DLGAP2: variants seen among roughly 807,000 people sequenced by gnomAD.
DLGAP2 encodes the protein DLG associated protein 2, also known as disks large-associated protein 2.
A neutral mutation model predicts 100.3 loss-of-function variants in DLGAP2; 26 were observed. The ratio of observed to expected loss-of-function variants is 0.26; its 90% CI spans 0.19 to 0.36. DLGAP2 has a LOEUF of 0.36. Ranked by LOEUF, DLGAP2 falls within the 10% of genes least tolerant of loss-of-function variation. DLGAP2 has a pLI of 1.00. For missense variants in DLGAP2, 1,858 were observed against 1,453.2 expected, an observed-to-expected ratio of 1.28 and a Z score of -4.53; for synonymous variants, 886 against 630.1, an observed-to-expected ratio of 1.41 and a Z score of -6.08.
intron 3 of DLGAP2, among the ~76,000 whole-genome samples, chr8:1,492,080 T>A (rs1799406474): frequency 6.6e-6 from 1 of 152,236 alleles, no homozygotes; most frequent in African/African-American, 2.4e-5. Context: ...AGACTTTCTC[T>A]TGGCCTGATT....
At chr8:1,090,963 C>T (rs922766043) in intron 2 of DLGAP2, among the ~76,000 whole-genome samples, 2 of 152,178 alleles carry the variant, frequency 1.3e-5, no homozygotes, top group African/African-American at 2.4e-5. Context: ...TTTGGAAGAA[C>T]ATCTTCCATT....
intron 2 of DLGAP2, among the ~76,000 whole-genome samples, chr8:1,141,271 T>C (rs1371257081): frequency 6.6e-6 from 1 of 152,196 alleles, no homozygotes; most frequent in Non-Finnish European, 1.5e-5. Context: ...GCGTTGAAAG[T>C]TGAATACTTT....
At chr8:824,636 C>T (rs12546972) in intron 1 of DLGAP2, among the ~76,000 whole-genome samples, 20,346 of 151,758 alleles carry the variant, frequency 0.13, 1,621 homozygotes, top group East Asian at 0.23. Flanking sequence ...GACTGCTGAC[C>T]TCCTGGTGGT....
intron 1 of DLGAP2, among the ~76,000 whole-genome samples, chr8:842,535 G>A (rs184771044): frequency 4.6e-5 from 7 of 152,248 alleles, no homozygotes; most frequent in Admixed American, 2.6e-4. Context: ...GGTGGTCATC[G>A]TTCTGATTTA....
chr8:1,583,582 A>G (rs1796018117), intron 6 of DLGAP2, among the ~76,000 whole-genome samples: 1 of 152,192 alleles, frequency 6.6e-6, no homozygotes, highest in Admixed American at 6.5e-5. Flanking sequence ...GAATCCATCT[A>G]GAAAGATGAA....
chr8:1,074,911 T>C (rs987231518), intron 2 of DLGAP2, among the ~76,000 whole-genome samples: 11 of 152,092 alleles, frequency 7.2e-5, no homozygotes, highest in Admixed American at 2.6e-4. Context: ...AGTGAAACTC[T>C]CCTTGGTCAC....
chr8:1,378,756 T>G (rs1796024278), intron 3 of DLGAP2, among the ~76,000 whole-genome samples: 1 of 152,266 alleles, frequency 6.6e-6, no homozygotes, highest in Non-Finnish European at 1.5e-5. Flanking sequence ...ATTTACATTC[T>G]CACTTTTTCA....
chr8:829,631 A>G (rs554600106), intron 1 of DLGAP2, among the ~76,000 whole-genome samples: 2 of 152,354 alleles, frequency 1.3e-5, no homozygotes, highest in South Asian at 4.1e-4. Context: ...TCTTTTTTCA[A>G]ACTATGTAAG....
intron 2 of DLGAP2, among the ~76,000 whole-genome samples, chr8:1,151,283 T>A (rs1415688018): frequency 6.6e-6 from 1 of 152,184 alleles, no homozygotes; most frequent in Non-Finnish European, 1.5e-5. Flanking sequence ...TTTTGCTTGA[T>A]GTTAACATTT....
chr8:1,321,161 G>T (rs530615377), intron 3 of DLGAP2, among the ~76,000 whole-genome samples: 1 of 150,026 alleles, frequency 6.7e-6, no homozygotes, highest in East Asian at 2.0e-4. Flanking sequence ...ATCCGTGCCC[G>T]TATGTGTCTG....
intron 4 of DLGAP2, among the ~76,000 whole-genome samples, chr8:1,533,692 A>C (rs1396806788): frequency 1.3e-5 from 2 of 152,180 alleles, no homozygotes; most frequent in African/African-American, 4.8e-5. Flanking sequence ...AAATTAACTT[A>C]ATTTTCATAA....
intron 1 of DLGAP2, among the ~76,000 whole-genome samples, chr8:806,008 A>G (rs908394030): frequency 1.3e-5 from 2 of 152,244 alleles, no homozygotes; most frequent in African/African-American, 4.8e-5. Flanking sequence ...TGAGGAAGAA[A>G]AAGATAGAAT....
chr8:1,190,931 G>A (rs1055165094), intron 2 of DLGAP2, among the ~76,000 whole-genome samples: 5 of 152,092 alleles, frequency 3.3e-5, no homozygotes, highest in Non-Finnish European at 7.4e-5. Flanking sequence ...TATGGAAGCC[G>A]TCCCATGGTG....
At position 1,549,280 on chromosome 8, in the gene DLGAP2, A is replaced by G. The variant is rs1299726389; in HGVS notation, c.827A>G (p.Lys276Arg). The G allele has an allele frequency of 3.7e-6, 6 of 1,611,836 alleles. No individual in the cohort carries two copies. Among genetic ancestry groups the G allele is most frequent in the Middle Eastern group, 1.6e-4 (1 of 6,084 alleles). ...CACGCCCACCACGCCAAGCACAGCA[A>G]GAGGAGCAAGAGCAAGGAGCGCAAG... ...HHHAHHAKHSKRSKSKERKPE... is the reference protein window; with the variant it reads ...HHHAHHAKHSRRSKSKERKPE... The change falls in exon 5 of 15, where the codon AAG becomes AGG. Residue 276 changes from lysine (K) to arginine (R), a missense_variant. Physicochemically the swap from Lys to Arg is conservative, Grantham distance 26. Transcript: ENST00000637795.
At chr8:812,667 G>C (rs914190856) in intron 1 of DLGAP2, among the ~76,000 whole-genome samples, 1 of 152,174 alleles carries the variant, frequency 6.6e-6, no homozygotes, top group Admixed American at 6.5e-5. Context: ...GAAATTATTA[G>C]CTACAGATCC....
intron 6 of DLGAP2, among the ~76,000 whole-genome samples, chr8:1,566,990 C>T (rs1391755734): frequency 1.3e-5 from 2 of 152,228 alleles, no homozygotes; most frequent in Non-Finnish European, 2.9e-5. Context: ...CATCTCCTCT[C>T]CCTCCACAGA....
intron 1 of DLGAP2, among the ~76,000 whole-genome samples, chr8:878,489 G>C (rs756120195): frequency 4.6e-5 from 7 of 152,148 alleles, no homozygotes; most frequent in Non-Finnish European, 1.0e-4. Flanking sequence ...ATGAATGAGA[G>C]AGTATATTTC....
intron 3 of DLGAP2, among the ~76,000 whole-genome samples, chr8:1,353,107 C>T (rs956502614): frequency 2.0e-5 from 3 of 152,216 alleles, no homozygotes; most frequent in African/African-American, 4.8e-5. Flanking sequence ...GGTCAGTGAT[C>T]TGGAGGAGTT....
intron 2 of DLGAP2, among the ~76,000 whole-genome samples, chr8:1,046,212 AT>A: frequency 6.6e-6 from 1 of 152,250 alleles, no homozygotes; most frequent in East Asian, 1.9e-4. Flanking sequence ...TACTGCCTTC[AT>A]TTTTGTTCTG....
Sources: gnomAD v4.1 joint callset for allele counts (sites outside exome capture counted in the v4.1 genomes callset) on GRCh38, gnomAD v4.1.1 for gene constraint, MANE v1.5 for transcripts, NCBI Gene and HGNC (gene_info 2026-07-23, HGNC 2026-07-21) for gene names.